ZNF609: variants seen among roughly 807,000 people sequenced by gnomAD.
ZNF609 encodes zinc finger protein 609.
A neutral mutation model predicts 109.5 loss-of-function variants in ZNF609; 11 were observed. That is an observed-to-expected ratio of 0.10 (90% CI 0.06 to 0.17). The LOEUF is 0.17. Among genes scored for constraint, ZNF609 ranks in the 10% least tolerant of loss-of-function variants. ZNF609 has a pLI of 1.00. For missense variants in ZNF609, 1,559 were observed against 1,772.4 expected, an observed-to-expected ratio of 0.88 and a Z score of 2.16; for synonymous variants, 646 against 662.0, an observed-to-expected ratio of 0.98 and a Z score of 0.37.
intron 3 of ZNF609, among the ~76,000 whole-genome samples, chr15:64,641,457 G>A (rs868154303): frequency 9.2e-5 from 14 of 151,452 alleles, no homozygotes; most frequent in African/African-American, 3.2e-4. Flanking sequence ...CAGGTGATCC[G>A]CCCACCTCGG....
chr15:64,593,007 G>A (rs551236007), intron 2 of ZNF609: 14 of 1,558,312 alleles, frequency 9.0e-6, no homozygotes, highest in South Asian at 5.5e-5. Context: ...AACAATGGTC[G>A]TGCCAAAAAG....
chr15:64,586,882 CAT>C (rs1464521567), intron 2 of ZNF609, among the ~76,000 whole-genome samples: 2 of 152,164 alleles, frequency 1.3e-5, no homozygotes, highest in African/African-American at 4.8e-5. Context: ...TAACCTTTCC[CAT>C]ATGTTTCATA....
intron 2 of ZNF609, among the ~76,000 whole-genome samples, chr15:64,541,979 C>G (rs1894273411): frequency 6.7e-6 from 1 of 148,416 alleles, no homozygotes. Flanking sequence ...GGATCTGTTT[C>G]TTCCCTTTAA....
chr15:64,603,474 G>T (rs911575118), intron 2 of ZNF609, among the ~76,000 whole-genome samples: 1 of 151,034 alleles, frequency 6.6e-6, no homozygotes. Context: ...TCTCCATGTC[G>T]CCCAGGCTAG....
At chr15:64,476,070 C>G (rs1205029581) in intron 1 of ZNF609, among the ~76,000 whole-genome samples, 1 of 152,128 alleles carries the variant, frequency 6.6e-6, no homozygotes, top group Non-Finnish European at 1.5e-5. Context: ...TGATAGAAAA[C>G]TTGCAGCAAG....
intron 2 of ZNF609, among the ~76,000 whole-genome samples, chr15:64,615,169 A>G (rs1270135492): frequency 2.0e-5 from 3 of 151,640 alleles, no homozygotes. Flanking sequence ...TCTATTGCCC[A>G]GGCTAGAGTG....
intron 2 of ZNF609, among the ~76,000 whole-genome samples, chr15:64,511,818 G>A (rs1893736177): frequency 6.6e-6 from 1 of 150,944 alleles, no homozygotes; most frequent in African/African-American, 2.4e-5. Flanking sequence ...GGGTTCAAGT[G>A]ATTCTCCTGC....
chr15:64,678,486 C>T lies in ZNF609; in HGVS notation c.3769+4C>T, dbSNP rs375522432. 76 of 1,565,322 alleles carry T rather than the reference C, an allele frequency of 4.9e-5. No individual in the cohort carries two copies. The highest frequency in any genetic ancestry group is 1.7e-4 in the Middle Eastern group (1 of 5,808). ...GTGATGATGCAGAACTACCCAGGTACAGCACCAAGTGCCAGCACTATTCCA... is the reference window on the plus strand; with the variant it reads ...GTGATGATGCAGAACTACCCAGGTATAGCACCAAGTGCCAGCACTATTCCA... On this transcript the variant is annotated splice_donor_region_variant and intron_variant, in intron 6 of 9. Coordinates refer to ENST00000326648, the MANE Select transcript of ZNF609 (RefSeq NM_015042.2).
intron 2 of ZNF609, among the ~76,000 whole-genome samples, chr15:64,580,952 C>CTT (rs1895091546): frequency 1.2e-5 from 1 of 80,870 alleles, no homozygotes; most frequent in African/African-American, 5.1e-5. Flanking sequence ...TCTTCAATGT[C>CTT]TTCTTTTTTT....
At chr15:64,667,164 T>G (rs1419947682) in intron 3 of ZNF609, among the ~76,000 whole-genome samples, 1 of 151,972 alleles carries the variant, frequency 6.6e-6, no homozygotes, top group Non-Finnish European at 1.5e-5. Context: ...ACCCTGAGAT[T>G]TGTAGAAGCC....
At chr15:64,565,063 T>C (rs910747181) in intron 2 of ZNF609, among the ~76,000 whole-genome samples, 16 of 149,098 alleles carry the variant, frequency 1.1e-4, no homozygotes, top group African/African-American at 3.7e-4. Flanking sequence ...TTTTCTTTTT[T>C]TTTTTTTGAG....
At chr15:64,615,305 GC>G (rs1191963847) in intron 2 of ZNF609, among the ~76,000 whole-genome samples, 1 of 151,682 alleles carries the variant, frequency 6.6e-6, no homozygotes, top group Non-Finnish European at 1.5e-5. Context: ...ACCATGCCTG[GC>G]TAGTTTTTGA....
Position 64,630,091 on chromosome 15 carries a change from C to CTTT in ZNF609, c.973+7043_973+7045dup, listed in dbSNP as rs200425813. 3.9e-3 allele frequency among the ~76,000 whole-genome samples: 560 copies of CTTT among 142,970 alleles called. 20 individuals carry two copies. The highest frequency in any genetic ancestry group is 0.014 in the African/African-American group (511 of 37,050). 93.8% of individuals were successfully genotyped at this position (142,970 alleles called of 152,430 possible). ...CCTACATTACCATCCTCCTAATTTTCTTTTTTCTTTTTTTTTTTTTTTTTG... is the reference window on the plus strand; with the variant it reads ...CCTACATTACCATCCTCCTAATTTTCTTTTTTTTTCTTTTTTTTTTTTTTTTTG... On this transcript the variant is annotated intron_variant, in intron 3 of 9. Coordinates refer to ENST00000326648, the MANE Select transcript of ZNF609 (RefSeq NM_015042.2).
intron 2 of ZNF609, among the ~76,000 whole-genome samples, chr15:64,618,091 A>G (rs1329239806): frequency 6.7e-6 from 1 of 150,214 alleles, no homozygotes; most frequent in Non-Finnish European, 1.5e-5. Context: ...TATTTTAGGT[A>G]TATGAAAAGA....
intron 2 of ZNF609, among the ~76,000 whole-genome samples, chr15:64,512,713 G>A (rs913642678): frequency 1.1e-4 from 16 of 151,994 alleles, no homozygotes; most frequent in African/African-American, 3.6e-4. Context: ...ATGTTTTGGG[G>A]TATAAAGTAT....
chr15:64,473,191 CTTT>C (rs951319279), intron 1 of ZNF609, among the ~76,000 whole-genome samples: 11 of 76,074 alleles, frequency 1.4e-4, no homozygotes, highest in African/African-American at 5.9e-4. Flanking sequence ...ATATTTGGTT[CTTT>C]TTTTTTTTTT....
At chr15:64,622,583 G>C (rs372392544) in intron 2 of ZNF609, among the ~76,000 whole-genome samples, 1 of 152,152 alleles carries the variant, frequency 6.6e-6, no homozygotes, top group African/African-American at 2.4e-5. Flanking sequence ...TTATGAGGAA[G>C]ATCATTAAGA....
At chr15:64,588,449 A>AAGG (rs1455477404) in intron 2 of ZNF609, among the ~76,000 whole-genome samples, 12 of 144,018 alleles carry the variant, frequency 8.3e-5, no homozygotes, top group Non-Finnish European at 1.8e-4. Flanking sequence ...AAAAAAGAAG[A>AAGG]GGAAGACTGT....
chr15:64,650,300 C>A (rs112358956), intron 3 of ZNF609, among the ~76,000 whole-genome samples: 6,958 of 151,020 alleles, frequency 0.046, 535 homozygotes, highest in African/African-American at 0.16. Context: ...ACCTGTAGTC[C>A]CAGCTACTTG....
Sources: gnomAD v4.1 joint callset for allele counts (sites outside exome capture counted in the v4.1 genomes callset) on GRCh38, gnomAD v4.1.1 for gene constraint, MANE v1.5 for transcripts, NCBI Gene and HGNC (gene_info 2026-07-23, HGNC 2026-07-21) for gene names.